The following KMT5C variants were observed in gnomAD, a reference collection of about 807,000 sequenced individuals.
KMT5C encodes the protein lysine methyltransferase 5C.
Under a neutral mutation model 38.2 loss-of-function variants are expected in KMT5C, and 16 were observed. That is an observed-to-expected ratio of 0.42 (90% CI 0.28 to 0.64). The LOEUF (loss-of-function observed/expected upper bound fraction) is 0.64. KMT5C is among the 30% of genes least tolerant of loss of function. KMT5C has a pLI of 0.23. For synonymous variants in KMT5C, 291 were observed against 279.0 expected (o/e 1.04, Z -0.43); for missense variants, 598 against 665.1 (o/e 0.90, Z 1.11).
In KMT5C at chr19:55,342,860, G is replaced by A. The variant is rs373535628; in HGVS notation, c.386+9G>A. ...GTGTCCACTCGTGCTTGGTAAGAGG[G>A]CAGGACTCCCTGCAGGTATCCTTGG... On this transcript the variant is annotated intron_variant, in intron 4 of 8. Transcript: ENST00000255613. 1.0e-5 allele frequency: 15 copies of A among 1,491,462 alleles called. No homozygotes were observed. The highest frequency in any genetic ancestry group is 7.9e-5 in the South Asian group (7 of 88,592). The allele number at this position is 1,491,462 out of a possible 1,614,324, so 92.4% of individuals were successfully genotyped here.
Position 55,347,604 on chromosome 19 carries a change from G to A in KMT5C, c.*155G>A. 7.9e-7 allele frequency: 1 copy of A among 1,266,044 alleles called. No individual in the cohort carries two copies. The highest frequency in any genetic ancestry group is 1.7e-5 in the South Asian group (1 of 58,604). The allele number at this position is 1,266,044 out of a possible 1,614,324, so 78.4% of individuals were successfully genotyped here. Reference sequence around the variant, plus strand: ...AATGGGGTTGGTTTGGACACCCCCAGGGATCTGAGCCCTGACCCTTTGTGA... The same window carrying A: ...AATGGGGTTGGTTTGGACACCCCCAAGGATCTGAGCCCTGACCCTTTGTGA... On this transcript the variant is annotated 3_prime_UTR_variant, in exon 9 of 9. Coordinates refer to ENST00000255613, the MANE Select transcript of KMT5C (RefSeq NM_032701.4). This position sits in a 1 kb window ranked among gnomAD's most constrained non-coding sequence, Gnocchi z 4.6.
chr19:55,342,014 C>A lies in KMT5C; in HGVS notation c.78C>A (p.Tyr26Ter). 6.2e-7 allele frequency: 1 copy of A among 1,613,760 alleles called. No individual in the cohort carries two copies. The highest frequency in any genetic ancestry group is 8.5e-7 in the Non-Finnish European group (1 of 1,179,906). ...CCACCAGCCTCGTCCTGGACCCCTA[C>A]CTCGGTTTCCGCACCCATAAGATGA... ...DLATSLVLDP[Y>*]LGFRTHKMNV... The change falls in exon 2 of 9, where the codon TAC (tyrosine) becomes TAA (stop). Residue 26 changes from tyrosine to a stop codon, truncating the protein, a stop_gained. Transcript: ENST00000255613. LOFTEE classifies it high-confidence loss of function.
At chr19:55,342,129 T>C (rs11879143) in intron 2 of KMT5C, 83 bp downstream of exon 2, 111,753 of 1,584,750 alleles carry the variant, frequency 0.071, 8,765 homozygotes, top group African/African-American at 0.41. Flanking sequence ...GCCCTCTCCT[T>C]AGCCTGGTCC....
At chr19:55,342,590 T>TTGAC (rs1326684216) in intron 3 of KMT5C, 152 bp from the exon 4 acceptor site, 1 of 644,220 alleles carries the variant, frequency 1.6e-6, no homozygotes, top group Non-Finnish European at 2.8e-6. Flanking sequence ...ACCTCTTCAT[T>TTGAC]TGACGGATGA....
intron 6 of KMT5C, chr19:55,344,515 T>C (rs935692616): frequency 2.7e-6 from 1 of 366,768 alleles, no homozygotes; most frequent in African/African-American, 2.1e-5. Context: ...TTTGTGCAGT[T>C]GCACTGGAAC....
chr19:55,346,795 C>T (rs1600268292), intron 8 of KMT5C, 108 bp downstream of exon 8: 2 of 1,013,492 alleles, frequency 2.0e-6, no homozygotes, highest in Non-Finnish European at 1.4e-6. Context: ...CCCTCCCACC[C>T]TCAGTCGCTG....
rs765829358 is a variant in KMT5C at position 55,343,785 on chromosome 19, C to T, written c.492C>T (p.Tyr164=). The T allele has an allele frequency of 3.0e-5, 48 of 1,612,750 alleles. No homozygotes were observed. The highest frequency in any genetic ancestry group is 4.0e-5 in the Non-Finnish European group (47 of 1,179,460). ...GTGAGAATGACTTCAGCATCATGTA[C>T]TCAACCCGCAAGCGGAGTGCTCAGC... The part of the protein sequence containing the change: ...RAGENDFSIM[Y]STRKRSAQLW... Residue 164 remains tyrosine, a synonymous_variant, in exon 5 of 9, where the codon TAC becomes TAT. Transcript: ENST00000255613. The surrounding 1 kb of genome is among the most constrained non-coding windows in gnomAD (Gnocchi z 5.5).
At chr19:55,346,911 A>T in intron 8 of KMT5C, 45 bp from the exon 9 acceptor site, 1 of 801,034 alleles carries the variant, frequency 1.2e-6, no homozygotes, top group Non-Finnish European at 2.1e-6. Flanking sequence ...CACTGACTTC[A>T]CCTCTCCTTT....
intron 3 of KMT5C, 168 bp from the exon 4 acceptor site, chr19:55,342,574 A>T (rs890401101): frequency 3.3e-5 from 21 of 641,176 alleles, no homozygotes; most frequent in African/African-American, 5.5e-5. Flanking sequence ...TCTGAGATGT[A>T]GTCCAACCTC....
chr19:55,342,314 G>T lies in KMT5C; in HGVS notation c.210G>T (p.Leu70=). 1 of 1,582,318 alleles carries T rather than the reference G, an allele frequency of 6.3e-7. No homozygotes were observed. Residue 70 remains leucine (L), a synonymous_variant, in exon 3 of 9, where the codon CTG becomes CTT. Transcript: ENST00000255613. ...AGGCTGCGTACCGGGCCCTGACGCT[G>T]GGAGGCTGGACGGCCCGCTACTTCC... is the stretch of plus-strand genomic sequence containing the variant. The part of the protein sequence containing the change: ...DLEAAYRALT[L]GGWTARYFQS...
rs946438422 is a variant in KMT5C at position 55,342,131 on chromosome 19, G to T, written c.111-84G>T. Reference sequence around the variant, plus strand: ...CTGCCGCCCCTCGGCCCTCTCCTTAGCCTGGTCCTCCCCTCAGCTCCAAGT... The same window carrying T: ...CTGCCGCCCCTCGGCCCTCTCCTTATCCTGGTCCTCCCCTCAGCTCCAAGT... On this transcript the variant is annotated intron_variant, in intron 2 of 8. Transcript: ENST00000255613. 5.1e-5 allele frequency: 81 copies of T among 1,586,436 alleles called. No individual in the cohort carries two copies. In the African/African-American group the frequency reaches 9.4e-4, roughly 18 times the overall value.
chr19:55,344,788 G>T (rs1380235250), intron 6 of KMT5C: 1 of 525,116 alleles, frequency 1.9e-6, no homozygotes, highest in African/African-American at 1.9e-5. Context: ...AGGAGGGTTG[G>T]CTCCAGGGCG....
chr19:55,345,187 C>G (rs1352534919), intron 6 of KMT5C: 1 of 396,182 alleles, frequency 2.5e-6, no homozygotes, highest in Non-Finnish European at 5.1e-6. Flanking sequence ...TGCTGGGCAT[C>G]GACGGAGGAG....
chr19:55,343,046 C>T lies in KMT5C; in HGVS notation c.386+195C>T, dbSNP rs1364084078. ...GTGGTGCCGCTGGAGCAGGAGACCC[C>T]GGATGTGACCCCAGGGTTCCTGGGG... On this transcript the variant is annotated intron_variant, in intron 4 of 8. Transcript: ENST00000255613. The surrounding 1 kb of genome is among the most constrained non-coding windows in gnomAD (Gnocchi z 5.5). 29 of 571,380 alleles carry T rather than the reference C, an allele frequency of 5.1e-5. No individual in the cohort carries two copies. The highest frequency in any genetic ancestry group is 2.6e-4 in the South Asian group (13 of 50,196). The allele number at this position is 571,380 out of a possible 1,614,324, so 35.4% of individuals were successfully genotyped here. A position where few individuals can be genotyped will look rare whatever the true frequency, so the allele number is the denominator to read the frequency against.
At chr19:55,346,156 G>T in intron 6 of KMT5C, 57 bp from the exon 7 acceptor site, 1 of 1,605,998 alleles carries the variant, frequency 6.2e-7, no homozygotes, top group South Asian at 1.1e-5. Context: ...GGTGTGGGGA[G>T]TGGGTGAGCC....
At position 55,346,249 on chromosome 19, in the gene KMT5C, G is replaced by A. The variant is rs1569021968; in HGVS notation, c.607G>A (p.Val203Met). The A allele has an allele frequency of 1.2e-6, 2 of 1,614,050 alleles. No homozygotes were observed. The highest frequency in any genetic ancestry group is 8.5e-7 in the Non-Finnish European group (1 of 1,179,976). ...AGATGGGAACGCAGCCTGCGTGAAG[G>A]TGCTCCGGGACATTGAGCCTGGGGA... ...PADGNAACVK[V>M]LRDIEPGDEV... The change falls in exon 7 of 9, where the codon GTG (valine) becomes ATG (methionine). Residue 203 changes from valine (V) to methionine (M), a missense_variant. Coordinates refer to ENST00000255613, the MANE Select transcript of KMT5C (RefSeq NM_032701.4).
At chr19:55,344,800 C>T (rs1456036829) in intron 6 of KMT5C, 2 of 521,124 alleles carry the variant, frequency 3.8e-6, no homozygotes, top group Non-Finnish European at 3.9e-6. Context: ...TCCAGGGCGG[C>T]ATTGAGGGTG....
At chr19:55,344,084 C>T in intron 6 of KMT5C, 87 bp downstream of exon 6, 2 of 1,466,590 alleles carry the variant, frequency 1.4e-6, no homozygotes, top group Non-Finnish European at 1.9e-6. Flanking sequence ...CAGTAAAGAG[C>T]CAAACACCGG....
intron 6 of KMT5C, chr19:55,344,852 C>T (rs752837712): frequency 4.2e-6 from 2 of 480,526 alleles, no homozygotes; most frequent in Non-Finnish European, 8.6e-6. Context: ...CCCCGGGAGG[C>T]ATGACAAAGG....
Sources: gnomAD v4.1 joint callset for allele counts on GRCh38, gnomAD v4.1.1 for gene constraint, Gnocchi (gnomAD v3.1) non-coding constraint, MANE v1.5 for transcripts, NCBI Gene and HGNC (gene_info 2026-07-23, HGNC 2026-07-21) for gene names.